DIABLO: variants seen among roughly 807,000 people sequenced by gnomAD.
DIABLO encodes the protein diablo IAP-binding mitochondrial protein.
In DIABLO, 32 loss-of-function variants were observed where a neutral mutation model predicts 31.7. That is an observed-to-expected ratio of 1.01 (90% CI 0.76 to 1.35). The LOEUF (loss-of-function observed/expected upper bound fraction) is 1.35, where lower values mean the gene tolerates loss of function less well. Among genes scored for constraint, DIABLO ranks in the 40% most tolerant of loss-of-function variants. The probability of loss-of-function intolerance (pLI) is 0.00; values close to 1 mark genes in which losing one functional copy is unlikely to be tolerated. For synonymous variants in DIABLO, 132 were observed against 103.2 expected, an observed-to-expected ratio of 1.28 and a Z score of -1.69; for missense variants, 316 against 286.4, an observed-to-expected ratio of 1.10 and a Z score of -0.75.
chr12:122,219,485 A>T (rs973527826), intron 2 of DIABLO, among the ~76,000 whole-genome samples: 3 of 152,136 alleles, frequency 2.0e-5, no homozygotes, highest in Admixed American at 2.0e-4. Context: ...GGGGGCATGC[A>T]GAAGGGAGCA....
intron 1 of DIABLO, 69 bp from the exon 2 acceptor site, chr12:122,224,713 AG>A: frequency 6.2e-7 from 1 of 1,613,158 alleles, no homozygotes; most frequent in Non-Finnish European, 8.5e-7. Flanking sequence ...ATTTACTTGC[AG>A]GGGCTGTAAA....
chr12:122,209,874 A>ATTAAGTAGGATTACT (rs1411748011), intron 5 of DIABLO: 31 of 694,960 alleles, frequency 4.5e-5, no homozygotes, highest in Non-Finnish European at 8.1e-5. Flanking sequence ...AGTCCACACA[A>ATTAAGTAGGATTACT]TTAAGTAGGA....
rs116282906 is a variant in DIABLO, at chr12:122,224,393, T to C, written c.183+119A>G. 2,335 of 1,459,528 alleles carry C rather than the reference T, an allele frequency of 1.6e-3. 23 individuals carry two copies. In the African/African-American group the frequency reaches 0.028, roughly 18 times the overall value. The allele number at this position is 1,459,528 out of a possible 1,614,324, so 90.4% of individuals were successfully genotyped here. A position where few individuals can be genotyped will look rare whatever the true frequency, so the allele number is the denominator to read the frequency against. On this transcript the variant is annotated intron_variant, in intron 2 of 5. Transcript: ENST00000464942. The stretch of plus-strand genomic sequence containing the variant: ...CAACTGTGAAAAGATGCCGGTACTG[T>C]GGGGGAAGGGATGGGAGCACTGGGA...
At chr12:122,214,140 ATTTT>A (rs1954152120) in intron 5 of DIABLO, among the ~76,000 whole-genome samples, 1 of 152,158 alleles carries the variant, frequency 6.6e-6, no homozygotes, top group Non-Finnish European at 1.5e-5. Flanking sequence ...TAAAAGAATT[ATTTT>A]TTGTTTTTCA....
intron 2 of DIABLO, among the ~76,000 whole-genome samples, chr12:122,224,154 C>T (rs1260412831): frequency 6.6e-6 from 1 of 152,194 alleles, no homozygotes. Flanking sequence ...TTCATCTCCA[C>T]AAAGCTTTTG....
Position 122,213,957 on chromosome 12 carries a change from C to T in DIABLO, c.523+2531G>A, listed in dbSNP as rs557114621. On this transcript the variant is annotated intron_variant, in intron 5 of 5. Transcript: ENST00000464942. ...AAAATTAGCCAGGCATGGTGGCAGG[C>T]GCTTCCAAGCCCAACTACTCAGGAG... Among the ~76,000 whole-genome samples the T allele has an allele frequency of 7.9e-5, 12 of 152,116 alleles. No individual in the cohort carries two copies. The South Asian group carries it at 8.3e-4, about 11-fold the overall frequency.
chr12:122,215,615 T>C (rs1566024158), intron 5 of DIABLO, among the ~76,000 whole-genome samples: 1 of 151,934 alleles, frequency 6.6e-6, no homozygotes, highest in Non-Finnish European at 1.5e-5. Context: ...AAAAAATTTT[T>C]TTTTCTGTGA....
Position 122,225,991 on chromosome 12 carries a change from C to G in DIABLO, c.24G>C (p.Leu8=), listed in dbSNP as rs1954459034. The change falls in exon 1 of 6, where the codon CTG becomes CTC. Residue 8 remains leucine, a synonymous_variant. Transcript: ENST00000464942. Reference sequence around the variant, plus strand: ...TGAAGAATGAAGTTACGCTGCGCGACAGCCAACTCTTCAGAGCCGCCATTG... The same window carrying G: ...TGAAGAATGAAGTTACGCTGCGCGAGAGCCAACTCTTCAGAGCCGCCATTG... The part of the protein sequence containing the change: MAALKSW[L]SRSVTSFFRY... 6.2e-7 allele frequency: 1 copy of G among 1,603,326 alleles called. No homozygotes were observed. The highest frequency in any genetic ancestry group is 8.5e-7 in the Non-Finnish European group (1 of 1,175,768).
At chr12:122,226,081 C>A (rs746984499), upstream of DIABLO, 8 of 1,555,000 alleles carry the variant, frequency 5.1e-6, no homozygotes, top group Non-Finnish European at 6.9e-6. Flanking sequence ...CGGAGCGGGG[C>A]ACGGCCTCCA....
chr12:122,224,801 A>G (rs1954414644), intron 1 of DIABLO, 157 bp from the exon 2 acceptor site: 1 of 1,544,856 alleles, frequency 6.5e-7, no homozygotes, highest in African/African-American at 1.4e-5. Flanking sequence ...AACATACACC[A>G]AGTTTAAAAT....
chr12:122,216,932 G>C, intron 3 of DIABLO, 63 bp from the exon 4 acceptor site: 1 of 1,396,930 alleles, frequency 7.2e-7, no homozygotes, highest in Non-Finnish European at 1.0e-6. Flanking sequence ...GGAATAGAGA[G>C]ATTTCCACCT....
chr12:122,219,050 T>A (rs1466232405), intron 2 of DIABLO, among the ~76,000 whole-genome samples: 6 of 150,142 alleles, frequency 4.0e-5, no homozygotes, highest in African/African-American at 9.8e-5. Flanking sequence ...CTGGCCAACA[T>A]GGTGAAACCC....
chr12:122,219,231 CA>C (rs112338890), intron 2 of DIABLO, among the ~76,000 whole-genome samples: 16 of 139,664 alleles, frequency 1.1e-4, no homozygotes, highest in African/African-American at 1.3e-4. Flanking sequence ...GACTACATCT[CA>C]AAAAAAAAAC....
chr12:122,224,618 A>G lies in DIABLO; in HGVS notation c.77T>C (p.Val26Ala). The change falls in exon 2 of 6, where the codon GTT becomes GCT. Residue 26 changes from valine (V) to alanine (A), a missense_variant. Physicochemically the swap from Val to Ala is moderately conservative, Grantham distance 64. Coordinates refer to ENST00000464942, the MANE Select transcript of DIABLO (RefSeq NM_001371333.1). ...ACACCGCTTCTTAAAGTTAGCCACA[A>G]CAGGAACACACAAACACTGTCTGTA... Reference protein sequence around the residue: ...FRYRQCLCVPVVANFKKRCFS... With the variant: ...FRYRQCLCVPAVANFKKRCFS... The G allele has an allele frequency of 1.2e-6, 2 of 1,614,108 alleles. No homozygotes were observed. Among genetic ancestry groups the G allele is most frequent in the Non-Finnish European group, 1.7e-6 (2 of 1,180,018 alleles).
chr12:122,226,061 T>C (rs754646868), upstream of DIABLO: 1 of 1,579,328 alleles, frequency 6.3e-7, no homozygotes, highest in Non-Finnish European at 8.6e-7. Context: ...GTGACGCAGC[T>C]TCGTGAGCGC....
At chr12:122,210,283 T>C (rs144587074) in intron 5 of DIABLO, among the ~76,000 whole-genome samples, 1 of 152,250 alleles carries the variant, frequency 6.6e-6, no homozygotes, top group East Asian at 1.9e-4. Flanking sequence ...ATTATAGTTT[T>C]GGAAGATTTG....
At chr12:122,210,356 G>A (rs985083799) in intron 5 of DIABLO, among the ~76,000 whole-genome samples, 3 of 146,348 alleles carry the variant, frequency 2.0e-5, no homozygotes, top group Admixed American at 7.2e-5. Flanking sequence ...CAAAATCTTC[G>A]AATACCATTT....
chr12:122,226,422 C>T (rs1012712716), upstream of DIABLO: 2 of 682,012 alleles, frequency 2.9e-6, no homozygotes, highest in East Asian at 2.8e-5. Context: ...GGCGCGGCGA[C>T]GGCGCTGTCA....
At position 122,218,368 on chromosome 12, in the gene DIABLO, T is replaced by C. The variant is rs1025708480; in HGVS notation, c.213A>G (p.Glu71=). The change falls in exon 3 of 6, where the codon GAA becomes GAG. Residue 71 remains glutamate (E), a synonymous_variant. Transcript: ENST00000464942. ...AAGACACTGCTCTCCTCATCAATGC[T>C]TCACTACTAAGGGAATGAGGCTCTG... ...QKSEPHSLSS[E]ALMRRAVSLV... The C allele has an allele frequency of 3.1e-6, 5 of 1,614,034 alleles. No homozygotes were observed. In the African/African-American group the frequency reaches 6.7e-5, roughly 22 times the overall value.
Sources: allele counts gnomAD v4.1 joint callset (sites outside exome capture counted in the v4.1 genomes callset), GRCh38; gene constraint gnomAD v4.1.1; transcripts MANE v1.5; gene names NCBI Gene and HGNC (gene_info 2026-07-23, HGNC 2026-07-21).